The following DPPA2 variants were observed in gnomAD, a reference collection of about 807,000 sequenced individuals.
DPPA2 encodes the protein developmental pluripotency associated 2, also known as developmental pluripotency-associated protein 2.
Under a neutral mutation model 36.2 loss-of-function variants are expected in DPPA2, and 26 were observed. The observed-to-expected ratio is 0.72, with a 90% CI of 0.53 to 1.00. The LOEUF (loss-of-function observed/expected upper bound fraction) is 1.00, where lower values mean the gene tolerates loss of function less well. Ranked by LOEUF, DPPA2 falls within the 50% of genes least tolerant of loss-of-function variation. The pLI is 0.00. For missense variants in DPPA2, 361 were observed against 365.1 expected (o/e 0.99, Z 0.09); for synonymous variants, 113 against 123.2 (o/e 0.92, Z 0.55).
chr3:109,308,894 C>T (rs958658836), intron 5 of DPPA2, 132 bp downstream of exon 5: 14 of 1,138,888 alleles, frequency 1.2e-5, no homozygotes, highest in Non-Finnish European at 1.6e-5. Context: ...TTATTTGTTC[C>T]GAAATATCAA....
At chr3:109,307,399 C>T (rs1023405005) in intron 6 of DPPA2, among the ~76,000 whole-genome samples, 8 of 151,930 alleles carry the variant, frequency 5.3e-5, no homozygotes, top group East Asian at 2.0e-4. Context: ...GTCAGGGGTT[C>T]GAGACCAGCC....
intron 7 of DPPA2, among the ~76,000 whole-genome samples, chr3:109,304,191 T>C (rs1707507281): frequency 3.3e-5 from 5 of 151,808 alleles, no homozygotes; most frequent in African/African-American, 1.2e-4. Context: ...GAGAATCGCT[T>C]GAACCCAGGA....
chr3:109,310,806 C>T (rs1187388392), intron 3 of DPPA2, among the ~76,000 whole-genome samples: 1 of 148,706 alleles, frequency 6.7e-6, no homozygotes, highest in Non-Finnish European at 1.5e-5. Flanking sequence ...ACCCAGCTTG[C>T]TTTGTTTTGT....
At chr3:109,307,990 T>C (rs1466047752) in intron 6 of DPPA2, 42 bp downstream of exon 6, 4 of 1,594,180 alleles carry the variant, frequency 2.5e-6, no homozygotes, top group Non-Finnish European at 3.4e-6. Context: ...AAAGTTAACC[T>C]TGTCCTCTGG....
At position 109,300,369 on chromosome 3, in the gene DPPA2, A is replaced by T; in HGVS notation, c.*22+2T>A. 2 of 1,609,942 alleles carry T rather than the reference A, an allele frequency of 1.2e-6. No individual in the cohort carries two copies. The highest frequency in any genetic ancestry group is 1.7e-6 in the Non-Finnish European group (2 of 1,176,526). On this transcript the variant is annotated splice_donor_variant, in intron 8 of 8. Coordinates refer to ENST00000478945, the MANE Select transcript of DPPA2 (RefSeq NM_138815.4). LOFTEE classifies it low-confidence loss of function (3UTR_SPLICE). ...TTGAGGTGGCATATTCTCATCTCTTACATTGTATTCAAACAGGTTGCTGCT... is the reference window on the plus strand; with the variant it reads ...TTGAGGTGGCATATTCTCATCTCTTTCATTGTATTCAAACAGGTTGCTGCT...
At chr3:109,304,187 C>T (rs1323351538) in intron 7 of DPPA2, among the ~76,000 whole-genome samples, 2 of 151,822 alleles carry the variant, frequency 1.3e-5, no homozygotes, top group East Asian at 1.9e-4. Flanking sequence ...GCAGGAGAAT[C>T]GCTTGAACCC....
rs572525386 is a variant in DPPA2, at chr3:109,303,612, G to A, written c.854+863C>T. The stretch of plus-strand genomic sequence containing the variant: ...TCGAACTCCCGACCTCAGGTGATCC[G>A]CCCGCCTCGGCCTCCCAAACTGCTG... On this transcript the variant is annotated intron_variant, in intron 7 of 8. Coordinates refer to ENST00000478945, the MANE Select transcript of DPPA2 (RefSeq NM_138815.4). 8.6e-5 allele frequency among the ~76,000 whole-genome samples: 13 copies of A among 151,734 alleles called. No homozygotes were observed. The South Asian group carries it at 2.3e-3, about 27-fold the overall frequency.
chr3:109,302,894 A>G (rs1255548822), intron 7 of DPPA2, among the ~76,000 whole-genome samples: 1 of 152,036 alleles, frequency 6.6e-6, no homozygotes, highest in African/African-American at 2.4e-5. Flanking sequence ...GTTTATGTGC[A>G]TGTATATTTT....
At chr3:109,306,804 GA>G (rs111562563) in intron 6 of DPPA2, among the ~76,000 whole-genome samples, 109 of 141,314 alleles carry the variant, frequency 7.7e-4, no homozygotes, top group Middle Eastern at 3.6e-3. Flanking sequence ...CGCCTCTACT[GA>G]AAAAAAAAAA....
intron 1 of DPPA2, among the ~76,000 whole-genome samples, chr3:109,314,810 C>T (rs1254480670): frequency 1.3e-5 from 2 of 152,118 alleles, no homozygotes; most frequent in East Asian, 3.9e-4. Flanking sequence ...TGCCTGTAAT[C>T]CCAGCACTTT....
intron 8 of DPPA2, among the ~76,000 whole-genome samples, chr3:109,296,670 C>A (rs1388548524): frequency 7.3e-6 from 1 of 136,836 alleles, no homozygotes; most frequent in Non-Finnish European, 1.5e-5. Flanking sequence ...AGCAAAAACT[C>A]TGTCTCAAAA....
chr3:109,300,501 C>T, intron 7 of DPPA2, 66 bp from the exon 8 acceptor site: 1 of 1,490,082 alleles, frequency 6.7e-7, no homozygotes, highest in Non-Finnish European at 9.4e-7. Flanking sequence ...CCTTACCAAT[C>T]CCTTTAAAAT....
In DPPA2 at chr3:109,306,531, GA is replaced by G. The variant is rs374771502; in HGVS notation, c.658+1500del. On this transcript the variant is annotated intron_variant, in intron 6 of 8. Coordinates refer to ENST00000478945, the MANE Select transcript of DPPA2 (RefSeq NM_138815.4). ...TAAAATAGGATCTAGAATACTTCTG[GA>G]AATGGGAAAATGGGGGAGTAAAAAA... Among the ~76,000 whole-genome samples the G allele has an allele frequency of 4.3e-4, 66 of 152,162 alleles. 1 individual carries two copies. The highest frequency in any genetic ancestry group is 1.5e-3 in the African/African-American group (61 of 41,532).
chr3:109,298,336 C>T (rs1435757392), intron 8 of DPPA2, among the ~76,000 whole-genome samples: 2 of 152,100 alleles, frequency 1.3e-5, no homozygotes, highest in Admixed American at 1.3e-4. Context: ...AATCCCTGAA[C>T]TCAGGGAGCC....
At chr3:109,303,896 G>A (rs550809053) in intron 7 of DPPA2, among the ~76,000 whole-genome samples, 1 of 151,986 alleles carries the variant, frequency 6.6e-6, no homozygotes, top group East Asian at 2.0e-4. Context: ...CAGTACTTTG[G>A]GAGGCCGAGT....
At chr3:109,316,076 C>A (rs1418272509) in intron 1 of DPPA2, among the ~76,000 whole-genome samples, 1 of 151,550 alleles carries the variant, frequency 6.6e-6, no homozygotes, top group Admixed American at 6.6e-5. Context: ...TTCTTTTTTT[C>A]TTTTTTTAGA....
chr3:109,301,423 G>A (rs1226759570), intron 7 of DPPA2, among the ~76,000 whole-genome samples: 1 of 152,064 alleles, frequency 6.6e-6, no homozygotes, highest in African/African-American at 2.4e-5. Flanking sequence ...AGGCTGAGGC[G>A]AGTGGATCAC....
At position 109,314,839 on chromosome 3, in the gene DPPA2, G is replaced by A. The variant is rs553653884; in HGVS notation, c.-13-284C>T. On this transcript the variant is annotated intron_variant, in intron 1 of 8. Transcript: ENST00000478945. ...GCACTTTGGGAGGCCCAGGGGGGGC[G>A]GATCGATTGAGTCCAGGAGTTCGAG... is the stretch of plus-strand genomic sequence containing the variant. Among the ~76,000 whole-genome samples, 8 of 152,206 alleles carry A rather than the reference G, an allele frequency of 5.3e-5. No homozygotes were observed. In the South Asian group the frequency reaches 1.5e-3, roughly 28 times the overall value.
intron 8 of DPPA2, 128 bp downstream of exon 8, chr3:109,300,243 G>T: frequency 1.4e-6 from 1 of 726,926 alleles, no homozygotes. Flanking sequence ...AAGAGACTTT[G>T]ATACATTTAT....
Sources: allele counts gnomAD v4.1 joint callset (sites outside exome capture counted in the v4.1 genomes callset), GRCh38; gene constraint gnomAD v4.1.1; transcripts MANE v1.5; gene names NCBI Gene and HGNC (gene_info 2026-07-23, HGNC 2026-07-21).